AMD1: variants seen among roughly 807,000 people sequenced by gnomAD.
AMD1 encodes S-adenosylmethionine decarboxylase proenzyme.
AMD1 carries 11 observed loss-of-function variants against 40.2 expected under a neutral mutation model. That is an observed-to-expected ratio of 0.27 (90% CI 0.17 to 0.45). The LOEUF (loss-of-function observed/expected upper bound fraction) is 0.45, where lower values mean the gene tolerates loss of function less well. AMD1 is among the 20% of genes least tolerant of loss of function. The pLI, the probability that AMD1 is intolerant of heterozygous loss-of-function variation, is 1.00. For synonymous variants in AMD1, 121 were observed against 130.8 expected (o/e 0.93, Z 0.51); for missense variants, 257 against 410.2 (o/e 0.63, Z 3.23).
chr6:110,815,824 C>G, the AMD1 span: 7 of 152,510 alleles, frequency 4.6e-5, no homozygotes, highest in Non-Finnish European at 7.3e-5. Context: ...GAAGGGTTGG[C>G]TGCAGTGACT....
intron 1 of AMD1, among the ~76,000 whole-genome samples, chr6:110,886,494 CAG>C (rs1785695334): frequency 4.6e-5 from 7 of 152,096 alleles, no homozygotes; most frequent in Admixed American, 2.6e-4. Flanking sequence ...TTAGTAGAAA[CAG>C]GGTTTCACCA....
At chr6:110,873,861 TG>T (rs1187450892), upstream of AMD1, among the ~76,000 whole-genome samples, 1 of 152,250 alleles carries the variant, frequency 6.6e-6, no homozygotes, top group African/African-American at 2.4e-5. Context: ...CTGTAAATTT[TG>T]GGGGGTAAGG....
the AMD1 span, chr6:110,815,255 G>T: frequency 8.7e-7 from 1 of 1,154,292 alleles, no homozygotes; most frequent in African/African-American, 1.7e-5. Context: ...GCGCGCGCGC[G>T]CGCCGCCCGC....
the AMD1 span, among the ~76,000 whole-genome samples, chr6:110,851,262 G>C: frequency 1.3e-5 from 2 of 151,914 alleles, no homozygotes; most frequent in Non-Finnish European, 2.9e-5. Flanking sequence ...CACCACGCCC[G>C]GCCTTTTCTT....
rs1786166780 is a variant in AMD1 at position 110,893,742 on chromosome 6, A to G, written c.*126A>G. 1 of 1,033,642 alleles carries G rather than the reference A, an allele frequency of 9.7e-7. No homozygotes were observed. The highest frequency in any genetic ancestry group is 1.6e-5 in the South Asian group (1 of 61,240). 64.0% of individuals were successfully genotyped at this position (1,033,642 alleles called of 1,614,324 possible). A position where few individuals can be genotyped will look rare whatever the true frequency, so the allele number is the denominator to read the frequency against. ...ACTGTGTAGTTGCAGAAAGCCCTAG[A>G]TGTAATGATAGTGTAATCATTTTGA... On this transcript the variant is annotated 3_prime_UTR_variant, in exon 9 of 9. Coordinates refer to ENST00000368885, the MANE Select transcript of AMD1 (RefSeq NM_001634.6).
the AMD1 span, among the ~76,000 whole-genome samples, chr6:110,860,390 T>C: frequency 1.3e-5 from 2 of 152,218 alleles, no homozygotes; most frequent in African/African-American, 2.4e-5. Context: ...TTATTCCAGC[T>C]TTTATCTTTC....
the AMD1 span, among the ~76,000 whole-genome samples, chr6:110,850,108 A>G: frequency 6.6e-6 from 1 of 152,258 alleles, no homozygotes; most frequent in Admixed American, 6.5e-5. Context: ...CAATAACGTT[A>G]AAAGAGCCGA....
the AMD1 span, among the ~76,000 whole-genome samples, chr6:110,829,522 A>AGCCAG: frequency 7.2e-5 from 11 of 151,778 alleles, no homozygotes; most frequent in South Asian, 2.3e-3. Context: ...CAAAAAAATT[A>AGCCAG]GCCAGGCGAG....
the AMD1 span, among the ~76,000 whole-genome samples, chr6:110,838,247 G>A: frequency 6.6e-6 from 1 of 151,276 alleles, no homozygotes; most frequent in Non-Finnish European, 1.5e-5. Context: ...AAATTAGCCG[G>A]GTGTGGTGGC....
At chr6:110,846,318 G>T in the AMD1 span, among the ~76,000 whole-genome samples, 1 of 152,024 alleles carries the variant, frequency 6.6e-6, no homozygotes, top group Non-Finnish European at 1.5e-5. Flanking sequence ...GAACTCAGGT[G>T]AAAAAAACAT....
At chr6:110,850,512 T>A in the AMD1 span, among the ~76,000 whole-genome samples, 2 of 152,172 alleles carry the variant, frequency 1.3e-5, no homozygotes, top group Admixed American at 1.3e-4. Context: ...CATCCCTGCC[T>A]GCCTCCATAA....
chr6:110,882,383 G>C (rs552635865), intron 1 of AMD1, among the ~76,000 whole-genome samples: 2 of 152,294 alleles, frequency 1.3e-5, no homozygotes, highest in South Asian at 4.1e-4. Context: ...ACAGTCTGTT[G>C]CAATTACTCA....
chr6:110,876,190 C>T (rs1027776296), intron 1 of AMD1, among the ~76,000 whole-genome samples: 1 of 152,346 alleles, frequency 6.6e-6, no homozygotes, highest in African/African-American at 2.4e-5. Flanking sequence ...GAAATCCATG[C>T]TTATATAAAA....
At chr6:110,823,051 G>T in the AMD1 span, among the ~76,000 whole-genome samples, 1 of 152,144 alleles carries the variant, frequency 6.6e-6, no homozygotes, top group Non-Finnish European at 1.5e-5. Flanking sequence ...GGAGGTGGAG[G>T]TTGTGGCGAG....
upstream of AMD1, among the ~76,000 whole-genome samples, chr6:110,872,054 A>C (rs1416891277): frequency 6.6e-6 from 1 of 152,204 alleles, no homozygotes; most frequent in East Asian, 1.9e-4. Flanking sequence ...CCATTGAAAG[A>C]TTGAGTAAAT....
chr6:110,816,008 T>TGGTGATTGGATGTGCTC, the AMD1 span: 2 of 152,312 alleles, frequency 1.3e-5, no homozygotes, highest in African/African-American at 4.8e-5. Flanking sequence ...CGCTCTTGAT[T>TGGTGATTGGATGTGCTC]GGTGATTGGA....
At chr6:110,839,911 A>G in the AMD1 span, among the ~76,000 whole-genome samples, 1 of 152,110 alleles carries the variant, frequency 6.6e-6, no homozygotes, top group Non-Finnish European at 1.5e-5. Flanking sequence ...TTTTTCAGTT[A>G]ACTGGGACAT....
At chr6:110,842,347 T>C in the AMD1 span, among the ~76,000 whole-genome samples, 1 of 152,190 alleles carries the variant, frequency 6.6e-6, no homozygotes, top group African/African-American at 2.4e-5. Flanking sequence ...ACAGGGATAA[T>C]GACTATCTAT....
At chr6:110,866,811 C>T in the AMD1 span, among the ~76,000 whole-genome samples, 3 of 151,688 alleles carry the variant, frequency 2.0e-5, no homozygotes, top group East Asian at 3.9e-4. Context: ...GCTCCAACAA[C>T]ACTTTCTTTT....
Sources: allele counts gnomAD v4.1 joint callset (sites outside exome capture counted in the v4.1 genomes callset), GRCh38; gene constraint gnomAD v4.1.1; transcripts MANE v1.5; gene names NCBI Gene and HGNC (gene_info 2026-07-23, HGNC 2026-07-21).